Variants in KIAA1671 observed in about 807,000 individuals in gnomAD.
KIAA1671 encodes the protein uncharacterized protein KIAA1671.
In KIAA1671, 52 loss-of-function variants were observed where a neutral mutation model predicts 131.2. That is an observed-to-expected ratio of 0.40 (90% CI 0.32 to 0.50). The LOEUF (loss-of-function observed/expected upper bound fraction) is 0.50. Ranked by LOEUF, KIAA1671 falls within the 20% of genes least tolerant of loss-of-function variation. The pLI is 0.73. For missense variants in KIAA1671, 2,360 were observed against 2,364.2 expected, an observed-to-expected ratio of 1.00 and a Z score of 0.04; for synonymous variants, 1,003 against 961.6, an observed-to-expected ratio of 1.04 and a Z score of -0.80.
chr22:24,977,475 C>G (rs1008449318), intron 1 of KIAA1671, among the ~76,000 whole-genome samples: 1 of 152,218 alleles, frequency 6.6e-6, no homozygotes, highest in Non-Finnish European at 1.5e-5. Flanking sequence ...TAGCAGCTGC[C>G]AGGTCTGGCC....
At chr22:25,181,452 C>T (rs921376567) in intron 9 of KIAA1671, among the ~76,000 whole-genome samples, 2 of 152,190 alleles carry the variant, frequency 1.3e-5, no homozygotes, top group Non-Finnish European at 2.9e-5. Flanking sequence ...GGGTTTGCCT[C>T]TGTCCTCCCG....
chr22:25,137,108 C>T (rs974788672), intron 6 of KIAA1671, among the ~76,000 whole-genome samples: 7 of 152,152 alleles, frequency 4.6e-5, no homozygotes, highest in Admixed American at 1.3e-4. Context: ...GACTGGGAGT[C>T]GCTGCCTGGG....
At chr22:25,063,942 T>A (rs1267751814) in intron 6 of KIAA1671, 1 of 152,226 alleles carries the variant, frequency 6.6e-6, no homozygotes, top group Admixed American at 6.5e-5. Context: ...CTTTTTAGTC[T>A]TAAGATGGAG....
chr22:24,990,676 C>T (rs756684838), intron 1 of KIAA1671, among the ~76,000 whole-genome samples: 2 of 152,276 alleles, frequency 1.3e-5, no homozygotes, highest in Non-Finnish European at 2.9e-5. Context: ...CACCTGCTCA[C>T]GTCCTGGCCT....
In KIAA1671 at chr22:25,181,827, C is replaced by G; in HGVS notation, c.5199+4C>G. On this transcript the variant is annotated splice_donor_region_variant and intron_variant, in intron 10 of 12. Coordinates refer to ENST00000358431, the MANE Select transcript of KIAA1671 (RefSeq NM_001145206.2). Reference sequence around the variant, plus strand: ...CATGGATCCGGCAGTGCTAAAGGTACCAGACCTCTCACCAAGAGTCACCTG... The same window carrying G: ...CATGGATCCGGCAGTGCTAAAGGTAGCAGACCTCTCACCAAGAGTCACCTG... 6.4e-7 allele frequency: 1 copy of G among 1,550,940 alleles called. No homozygotes were observed. The highest frequency in any genetic ancestry group is 8.7e-7 in the Non-Finnish European group (1 of 1,146,506).
chr22:25,068,683 A>G (rs1396799735), intron 6 of KIAA1671, among the ~76,000 whole-genome samples: 2 of 151,928 alleles, frequency 1.3e-5, no homozygotes, highest in Admixed American at 6.5e-5. Context: ...TGATCTGCCC[A>G]CCTTGGCCTC....
intron 6 of KIAA1671, among the ~76,000 whole-genome samples, chr22:25,071,872 C>T (rs116681239): frequency 1.8e-3 from 271 of 152,244 alleles, no homozygotes; most frequent in African/African-American, 6.0e-3. Context: ...GTCCCCTGAC[C>T]GCATGGAACT....
intron 1 of KIAA1671, among the ~76,000 whole-genome samples, chr22:24,976,933 CT>C (rs1190010488): frequency 6.6e-5 from 10 of 152,136 alleles, no homozygotes; most frequent in Non-Finnish European, 1.3e-4. Flanking sequence ...GTAGGCTCCC[CT>C]GTCCTGTAAG....
intron 6 of KIAA1671, among the ~76,000 whole-genome samples, chr22:25,139,963 G>A (rs1932782573): frequency 6.6e-6 from 1 of 152,222 alleles, no homozygotes. Flanking sequence ...GAAGTGGTGT[G>A]GTGGCAGTGC....
rs920122936 is a variant in KIAA1671, at chr22:25,195,378, C to T, written c.*2977C>T. On this transcript the variant is annotated 3_prime_UTR_variant, in exon 13 of 13. Transcript: ENST00000358431. ...GTTGTGGAGGATTACTCCATGCCAC[C>T]GGAGAAACTCTGGTGAAAGAGAAAC... is the stretch of plus-strand genomic sequence containing the variant. The T allele has an allele frequency of 2.6e-5, 4 of 152,114 alleles. No homozygotes were observed. Among genetic ancestry groups the T allele is most frequent in the African/African-American group, 4.8e-5 (2 of 41,412 alleles). 9.4% of individuals were successfully genotyped at this position (152,114 alleles called of 1,614,324 possible).
At chr22:25,127,257 C>T (rs1206043973) in intron 6 of KIAA1671, among the ~76,000 whole-genome samples, 1 of 152,204 alleles carries the variant, frequency 6.6e-6, no homozygotes, top group African/African-American at 2.4e-5. Flanking sequence ...TTTTGGACCA[C>T]CAGGGCTGCT....
Position 25,038,889 on chromosome 22 carries a change from G to C in KIAA1671, c.1759G>C (p.Gly587Arg). The C allele has an allele frequency of 6.4e-7, 1 of 1,551,760 alleles. No individual in the cohort carries two copies. Among genetic ancestry groups the C allele is most frequent in the African/African-American group, 1.4e-5 (1 of 73,178 alleles). ...TAACCAAGACCCCGACAGCTGTCGC[G>C]GTGGAAGCTCAGTGGAGGCCCCGTG... Reference protein sequence around the residue: ...SSNQDPDSCRGGSSVEAPCPS... With the variant: ...SSNQDPDSCRRGSSVEAPCPS... The change falls in exon 5 of 13, where the codon GGT (glycine) becomes CGT (arginine). Residue 587 changes from glycine (G) to arginine (R), a missense_variant. Gly to Arg is a moderately radical substitution (Grantham distance 125). Transcript: ENST00000358431.
rs1924303938 is a variant in KIAA1671 at position 24,999,225 on chromosome 22, G to A, written c.-207-26408G>A. ...TACAGTATTTTATAATCAATATAGTGTATAGTATACAGAGAGAGAGAGAGA... is the reference window on the plus strand; with the variant it reads ...TACAGTATTTTATAATCAATATAGTATATAGTATACAGAGAGAGAGAGAGA... On this transcript the variant is annotated intron_variant, in intron 1 of 12. Coordinates refer to ENST00000358431, the MANE Select transcript of KIAA1671 (RefSeq NM_001145206.2). Among the ~76,000 whole-genome samples the A allele has an allele frequency of 2.6e-5, 4 of 152,092 alleles. No homozygotes were observed. In the South Asian group the frequency reaches 8.3e-4, roughly 31 times the overall value.
intron 8 of KIAA1671, 47 bp downstream of exon 8, chr22:25,174,536 C>T (rs1933959100): frequency 2.7e-6 from 4 of 1,473,520 alleles, no homozygotes; most frequent in South Asian, 2.8e-5. Flanking sequence ...AAATTCCAGC[C>T]TCTCTCTGTG....
intron 10 of KIAA1671, 26 bp downstream of exon 10, chr22:25,181,849 C>A (rs1934288167): frequency 1.3e-6 from 2 of 1,548,192 alleles, no homozygotes; most frequent in African/African-American, 1.4e-5. Context: ...CCAAGAGTCA[C>A]CTGGTGGGCA....
At chr22:25,018,364 GT>G (rs1200981854) in intron 1 of KIAA1671, among the ~76,000 whole-genome samples, 1 of 151,936 alleles carries the variant, frequency 6.6e-6, no homozygotes, top group Non-Finnish European at 1.5e-5. Flanking sequence ...TTGTTTTTTA[GT>G]TGTTTGTAGG....
rs891048913 is a variant in KIAA1671 at position 25,039,612 on chromosome 22, G to T, written c.2482G>T (p.Val828Leu). The change falls in exon 5 of 13, where the codon GTG becomes TTG. Residue 828 changes from valine (V) to leucine (L), a missense_variant. Val to Leu is a conservative substitution (Grantham distance 32, BLOSUM62 1). Around this residue, in one of 3 missense-constraint regions of KIAA1671, gnomAD observed 1,185 missense variants for 1,126.2 expected, o/e 1.05. Coordinates refer to ENST00000358431, the MANE Select transcript of KIAA1671 (RefSeq NM_001145206.2). ...PFPKWTGGAV[V>L]SSHKATVAVS... The stretch of plus-strand genomic sequence containing the variant: ...TCCCAAATGGACAGGCGGGGCAGTG[G>T]TGAGCTCGCACAAAGCCACCGTGGC... 2 of 1,551,160 alleles carry T rather than the reference G, an allele frequency of 1.3e-6. No individual in the cohort carries two copies. The highest frequency in any genetic ancestry group is 1.7e-6 in the Non-Finnish European group (2 of 1,146,594).
chr22:25,030,090 TTAAGTCAGTTGGTTAATAATGATACTC>T (rs1602080990), intron 3 of KIAA1671, among the ~76,000 whole-genome samples: 1 of 152,220 alleles, frequency 6.6e-6, no homozygotes, highest in Non-Finnish European at 1.5e-5. Context: ...ACTGATACTC[TTAAGTCAGTTGGTTAATAATGATACTC>T]TAAGTCAGTT....
chr22:24,967,303 A>G (rs11090361), intron 1 of KIAA1671, among the ~76,000 whole-genome samples: 25,192 of 152,076 alleles, frequency 0.17, 2,846 homozygotes, highest in East Asian at 0.63. Flanking sequence ...CCCCCTTTAC[A>G]GTTGAGGAAA....
Sources: allele counts gnomAD v4.1 joint callset (sites outside exome capture counted in the v4.1 genomes callset), GRCh38; gene constraint gnomAD v4.1.1; regional missense constraint gnomAD v4.1.1; transcripts MANE v1.5; gene names NCBI Gene and HGNC (gene_info 2026-07-23, HGNC 2026-07-21).